Variants in KCMF1 observed in about 807,000 individuals in gnomAD.
KCMF1 encodes the protein potassium channel modulatory factor 1.
In KCMF1, 3 loss-of-function variants were observed where a neutral mutation model predicts 41.1. The observed-to-expected ratio is 0.07, with a 90% CI of 0.03 to 0.19. KCMF1 has a LOEUF of 0.19. Among genes scored for constraint, KCMF1 ranks in the 10% least tolerant of loss-of-function variants. The pLI is 1.00. For missense variants in KCMF1, 286 were observed against 488.9 expected (o/e 0.58, Z 3.91); for synonymous variants, 142 against 164.5 (o/e 0.86, Z 1.04).
Position 85,055,720 on chromosome 2 carries a change from C to G in KCMF1, c.*2311C>G, listed in dbSNP as rs937423474. The G allele has an allele frequency of 1.3e-5, 2 of 152,044 alleles. No individual in the cohort carries two copies. Among genetic ancestry groups the G allele is most frequent in the Non-Finnish European group, 2.9e-5 (2 of 67,980 alleles). The allele number at this position is 152,044 out of a possible 1,614,324, so 9.4% of individuals were successfully genotyped here. ...CCCTTGAAATTCTTGTGTCCTTTTT[C>G]TTTAGTTTCTGAATGAAAATCTTAT... On this transcript the variant is annotated 3_prime_UTR_variant, in exon 7 of 7. Coordinates refer to ENST00000409785, the MANE Select transcript of KCMF1 (RefSeq NM_020122.5).
At chr2:84,973,888 C>T (rs182150564) in intron 1 of KCMF1, among the ~76,000 whole-genome samples, 10 of 138,958 alleles carry the variant, frequency 7.2e-5, no homozygotes, top group Admixed American at 2.4e-4. Flanking sequence ...AGTGCAGTGG[C>T]GTGATCTCGG....
intron 6 of KCMF1, among the ~76,000 whole-genome samples, chr2:85,051,722 A>G (rs1675812353): frequency 1.3e-5 from 2 of 152,272 alleles, no homozygotes; most frequent in Admixed American, 6.5e-5. Context: ...AAAGGAATAT[A>G]TGTAATTACT....
intron 1 of KCMF1, among the ~76,000 whole-genome samples, chr2:85,011,614 G>C (rs1254469143): frequency 6.6e-6 from 1 of 152,224 alleles, no homozygotes; most frequent in Non-Finnish European, 1.5e-5. Flanking sequence ...CTGGTGATGA[G>C]AGTGCCTGAA....
At chr2:84,981,363 G>GT in intron 1 of KCMF1, among the ~76,000 whole-genome samples, 1 of 152,012 alleles carries the variant, frequency 6.6e-6, no homozygotes, top group African/African-American at 2.4e-5. Context: ...CTAATTTTTT[G>GT]TATTTTTAGT....
At chr2:84,982,347 G>C (rs1445933670) in intron 1 of KCMF1, among the ~76,000 whole-genome samples, 1 of 148,534 alleles carries the variant, frequency 6.7e-6, no homozygotes, top group East Asian at 2.0e-4. Flanking sequence ...AGTAGAGCAG[G>C]CAGGGATTAT....
At chr2:84,980,277 G>A (rs1459532079) in intron 1 of KCMF1, among the ~76,000 whole-genome samples, 1 of 152,216 alleles carries the variant, frequency 6.6e-6, no homozygotes. Flanking sequence ...GGTTGGTAAG[G>A]ACCAGTGGCC....
chr2:85,040,933 G>A (rs1201101684), intron 3 of KCMF1, among the ~76,000 whole-genome samples: 1 of 151,800 alleles, frequency 6.6e-6, no homozygotes, highest in African/African-American at 2.4e-5. Flanking sequence ...GGTCATTTTT[G>A]TATTTTTTAG....
At chr2:85,052,707 A>C (rs1675836025) in intron 6 of KCMF1, among the ~76,000 whole-genome samples, 1 of 152,304 alleles carries the variant, frequency 6.6e-6, no homozygotes, top group Non-Finnish European at 1.5e-5. Context: ...GAAAAGTCAG[A>C]GGAAATCTTA....
chr2:85,049,004 A>G (rs1675739057), intron 5 of KCMF1, among the ~76,000 whole-genome samples: 1 of 152,250 alleles, frequency 6.6e-6, no homozygotes, highest in Non-Finnish European at 1.5e-5. Flanking sequence ...CCCTGCTTCC[A>G]TGGAACACAT....
At chr2:84,981,132 A>G (rs1043530598) in intron 1 of KCMF1, among the ~76,000 whole-genome samples, 2 of 151,850 alleles carry the variant, frequency 1.3e-5, no homozygotes, top group Non-Finnish European at 2.9e-5. Flanking sequence ...GCAGAAGAAT[A>G]AGTGGATGAA....
intron 3 of KCMF1, among the ~76,000 whole-genome samples, chr2:85,038,885 T>TA (rs539678698): frequency 2.0e-5 from 3 of 152,116 alleles, no homozygotes; most frequent in Non-Finnish European, 4.4e-5. Flanking sequence ...AATACCAATT[T>TA]AAAAAAAATA....
intron 1 of KCMF1, 93 bp from the exon 2 acceptor site, chr2:85,027,794 CAT>C (rs1675149910): frequency 1.4e-6 from 1 of 707,026 alleles, no homozygotes; most frequent in Non-Finnish European, 2.4e-6. Flanking sequence ...TTGGAAAGGA[CAT>C]ATGAGGTTAA....
intron 3 of KCMF1, among the ~76,000 whole-genome samples, chr2:85,040,705 C>A (rs976514960): frequency 2.0e-5 from 3 of 152,078 alleles, no homozygotes; most frequent in Admixed American, 1.3e-4. Flanking sequence ...TTCATGTGAC[C>A]CAAGTGTGGC....
intron 1 of KCMF1, among the ~76,000 whole-genome samples, chr2:84,994,704 A>G (rs909941615): frequency 6.6e-6 from 1 of 152,150 alleles, no homozygotes; most frequent in Non-Finnish European, 1.5e-5. Flanking sequence ...CGCCCAGCCA[A>G]CAACACTTCT....
intron 1 of KCMF1, among the ~76,000 whole-genome samples, chr2:84,985,632 C>T (rs376410415): frequency 3.3e-5 from 5 of 152,078 alleles, no homozygotes; most frequent in African/African-American, 1.2e-4. Flanking sequence ...AGTTTGAGAC[C>T]AGCCTGGCCA....
chr2:85,034,865 A>AC, intron 2 of KCMF1, 151 bp from the exon 3 acceptor site: 1 of 588,324 alleles, frequency 1.7e-6, no homozygotes, highest in Admixed American at 3.4e-5. Context: ...CAAGTGATCC[A>AC]CCCACCTTGT....
In KCMF1 at chr2:84,994,465, G is replaced by A. The variant is rs190548423; in HGVS notation, c.16+22998G>A. Among the ~76,000 whole-genome samples, 455 of 151,982 alleles carry A rather than the reference G, an allele frequency of 3.0e-3. 2 individuals carry two copies. Among genetic ancestry groups the A allele is most frequent in the Non-Finnish European group, 4.7e-3 (322 of 67,958 alleles). On this transcript the variant is annotated intron_variant, in intron 1 of 6. Coordinates refer to ENST00000409785, the MANE Select transcript of KCMF1 (RefSeq NM_020122.5). ...GTTGCCCAGGCTGGAGTGCAATGGC[G>A]TGATCTCAGCTCACTGCAACCTCCA...
chr2:85,003,371 G>T (rs1431852317), intron 1 of KCMF1, among the ~76,000 whole-genome samples: 1 of 151,976 alleles, frequency 6.6e-6, no homozygotes, highest in Non-Finnish European at 1.5e-5. Flanking sequence ...CTAGCTACTC[G>T]GGAGGCTGAG....
chr2:85,008,868 A>G (rs950551915), intron 1 of KCMF1, among the ~76,000 whole-genome samples: 5 of 150,798 alleles, frequency 3.3e-5, no homozygotes, highest in South Asian at 4.2e-4. Context: ...GGGCTCAGGC[A>G]GTCCTCCCCC....
Sources: allele counts gnomAD v4.1 joint callset (sites outside exome capture counted in the v4.1 genomes callset), GRCh38; gene constraint gnomAD v4.1.1; transcripts MANE v1.5; gene names NCBI Gene and HGNC (gene_info 2026-07-23, HGNC 2026-07-21).